ITIH5: variants seen among roughly 807,000 people sequenced by gnomAD.
ITIH5 encodes inter-alpha-trypsin inhibitor heavy chain 5.
In ITIH5, 65 loss-of-function variants were observed where a neutral mutation model predicts 77.5. The observed-to-expected ratio is 0.84, with a 90% CI of 0.69 to 1.03. The LOEUF is 1.03. ITIH5 is among the 50% of genes least tolerant of loss of function. ITIH5 has a pLI of 0.00. For missense variants in ITIH5, 1,208 were observed against 1,213.1 expected, an observed-to-expected ratio of 1.00 and a Z score of 0.06; for synonymous variants, 525 against 494.3, an observed-to-expected ratio of 1.06 and a Z score of -0.82.
chr10:7,643,384 C>A (rs1272139523), intron 2 of ITIH5, among the ~76,000 whole-genome samples: 1 of 152,210 alleles, frequency 6.6e-6, no homozygotes. Flanking sequence ...ATTCCCATTT[C>A]ATAGATGGAG....
rs760974155 is a variant in ITIH5 at position 7,615,951 on chromosome 10, A to AG, written c.939+30dup. The AG allele has an allele frequency of 3.1e-6, 4 of 1,300,546 alleles. No homozygotes were observed. In the South Asian group the frequency reaches 4.7e-5, roughly 15 times the overall value. 80.6% of individuals were successfully genotyped at this position (1,300,546 alleles called of 1,614,324 possible). ...TCATTGTCCCAGGCAAAAGCGAGAG[A>AG]GGAATAAATGGGCGGTTGGCACTCA... On this transcript the variant is annotated intron_variant, in intron 7 of 13. Transcript: ENST00000397146.
intron 7 of ITIH5, among the ~76,000 whole-genome samples, chr10:7,613,331 T>C (rs1484344080): frequency 6.6e-6 from 1 of 152,028 alleles, no homozygotes; most frequent in Non-Finnish European, 1.5e-5. Context: ...GGAAAGGCTA[T>C]GTGGCCTCTA....
chr10:7,622,025 T>C (rs1002551734), intron 5 of ITIH5: 2 of 152,254 alleles, frequency 1.3e-5, no homozygotes, highest in African/African-American at 2.4e-5. Flanking sequence ...GCTGCTCCGA[T>C]TTGAGGGAGG....
chr10:7,654,247 T>A (rs1057093879), intron 2 of ITIH5, among the ~76,000 whole-genome samples: 1 of 152,230 alleles, frequency 6.6e-6, no homozygotes, highest in African/African-American at 2.4e-5. Flanking sequence ...CGGGTTCCCC[T>A]GCTGCATTCT....
At chr10:7,653,831 A>C (rs1834138522) in intron 2 of ITIH5, among the ~76,000 whole-genome samples, 1 of 152,178 alleles carries the variant, frequency 6.6e-6, no homozygotes, top group African/African-American at 2.4e-5. Context: ...TTGTTTTCTC[A>C]TCTGTAAAAT....
chr10:7,566,206 C>T lies in ITIH5; in HGVS notation c.2351G>A (p.Trp784Ter), dbSNP rs201672990. The change falls in exon 13 of 14, where the codon TGG (tryptophan) becomes TAG (stop). Residue 784 changes from tryptophan (W) to a stop codon, truncating the protein, a stop_gained. Transcript: ENST00000397146. LOFTEE classifies it high-confidence loss of function. ...PCNQSVVVGS[W>*]GLEVSVSANA... Reference sequence around the variant, plus strand: ...GGCAGACACGGACACCTCCAGCCCCCAGCTCCCCACCACCACACTCTGGTT... The same window carrying T: ...GGCAGACACGGACACCTCCAGCCCCTAGCTCCCCACCACCACACTCTGGTT... 27 of 1,614,016 alleles carry T rather than the reference C, an allele frequency of 1.7e-5. No individual in the cohort carries two copies. The highest frequency in any genetic ancestry group is 7.7e-5 in the South Asian group (7 of 91,056).
chr10:7,618,869 A>G (rs1373017708), intron 5 of ITIH5: 2 of 152,248 alleles, frequency 1.3e-5, no homozygotes, highest in Non-Finnish European at 2.9e-5. Flanking sequence ...ATAGGCAATT[A>G]TTTTTCAGAG....
intron 1 of ITIH5, among the ~76,000 whole-genome samples, chr10:7,665,224 G>T (rs1229406124): frequency 6.6e-6 from 1 of 152,162 alleles, no homozygotes; most frequent in Non-Finnish European, 1.5e-5. Flanking sequence ...AAGCCTACTT[G>T]AACTTGGTAT....
At chr10:7,607,031 T>A (rs1340434798) in intron 7 of ITIH5, among the ~76,000 whole-genome samples, 4 of 152,244 alleles carry the variant, frequency 2.6e-5, no homozygotes, top group Admixed American at 1.3e-4. Flanking sequence ...TTCTGCTTCC[T>A]GCCTCAAGTC....
At position 7,664,417 on chromosome 10, in the gene ITIH5, T is replaced by G. The variant is rs375660145; in HGVS notation, c.90+2386A>C. 4.6e-5 allele frequency among the ~76,000 whole-genome samples: 6 copies of G among 129,504 alleles called. No individual in the cohort carries two copies. In the South Asian group the frequency reaches 1.5e-3, roughly 33 times the overall value. 85.0% of individuals were successfully genotyped at this position (129,504 alleles called of 152,430 possible). A position where few individuals can be genotyped will look rare whatever the true frequency, so the allele number is the denominator to read the frequency against. On this transcript the variant is annotated intron_variant, in intron 1 of 13. Coordinates refer to ENST00000397146, the MANE Select transcript of ITIH5 (RefSeq NM_030569.7). ...TCCGTCTCAAAAAAAAAAAAAAAAC[T>G]AAAATGTGTTCCATGGACCACCTGC...
chr10:7,630,978 T>G (rs569956015), intron 5 of ITIH5, among the ~76,000 whole-genome samples: 20 of 150,562 alleles, frequency 1.3e-4, no homozygotes, highest in Non-Finnish European at 2.8e-4. Flanking sequence ...TTGATAGAGA[T>G]GAGGAATTGA....
intron 2 of ITIH5, among the ~76,000 whole-genome samples, chr10:7,650,408 C>G (rs544918253): frequency 3.9e-5 from 6 of 152,290 alleles, no homozygotes; most frequent in Admixed American, 2.6e-4. Flanking sequence ...CGCACCAAAT[C>G]TCTACTAACC....
intron 11 of ITIH5, chr10:7,572,930 A>G: frequency 2.0e-6 from 1 of 492,564 alleles, no homozygotes. Context: ...GGCCCCTGCC[A>G]CCATGCCTGG....
At chr10:7,573,579 G>A (rs1366738010) in intron 10 of ITIH5, among the ~76,000 whole-genome samples, 1 of 151,582 alleles carries the variant, frequency 6.6e-6, no homozygotes, top group Non-Finnish European at 1.5e-5. Context: ...GGGAGGCTGA[G>A]GTGGGAGGAT....
At chr10:7,642,449 G>A (rs1195278493) in intron 2 of ITIH5, among the ~76,000 whole-genome samples, 2 of 152,200 alleles carry the variant, frequency 1.3e-5, no homozygotes, top group East Asian at 3.9e-4. Context: ...ATACTCTTCT[G>A]TTATCACTTT....
Position 7,566,289 on chromosome 10 carries a change from G to A in ITIH5, c.2268C>T (p.Leu756=), listed in dbSNP as rs765580530. The change falls in exon 13 of 14, where the codon CTC becomes CTT. Residue 756 remains leucine (L), a synonymous_variant. Transcript: ENST00000397146. ...ILINKPERSY[L]EITPSRVILD... The stretch of plus-strand genomic sequence containing the variant: ...AGATGACTCTGCTCGGTGTGATCTC[G>A]AGATAAGATCTCTCTGGCTTGTTGA... 1.7e-5 allele frequency: 28 copies of A among 1,613,522 alleles called. No homozygotes were observed. Among genetic ancestry groups the A allele is most frequent in the Admixed American group, 6.7e-5 (4 of 59,944 alleles).
intron 7 of ITIH5, among the ~76,000 whole-genome samples, chr10:7,597,821 C>T (rs1279287830): frequency 2.6e-5 from 4 of 152,240 alleles, no homozygotes; most frequent in East Asian, 1.9e-4. Flanking sequence ...GTAATATAAA[C>T]TTATGTTACA....
At position 7,640,424 on chromosome 10, in the gene ITIH5, C is replaced by G. The variant is rs1192108129; in HGVS notation, c.401+330G>C. On this transcript the variant is annotated intron_variant, in intron 4 of 13. Coordinates refer to ENST00000397146, the MANE Select transcript of ITIH5 (RefSeq NM_030569.7). ...CCCAGGAGGTTGAGGCTGCAGTGAG[C>G]TATGATTGCACCACTGCACTCCAGC... Among the ~76,000 whole-genome samples, 6 of 148,716 alleles carry G rather than the reference C, an allele frequency of 4.0e-5. No individual in the cohort carries two copies. In the East Asian group the frequency reaches 1.2e-3, roughly 30 times the overall value.
chr10:7,655,903 T>C (rs1834174488), intron 1 of ITIH5, among the ~76,000 whole-genome samples: 1 of 152,234 alleles, frequency 6.6e-6, no homozygotes, highest in Non-Finnish European at 1.5e-5. Flanking sequence ...TCTTAACCCA[T>C]AATGTCACAC....
Sources: allele counts gnomAD v4.1 joint callset (sites outside exome capture counted in the v4.1 genomes callset), GRCh38; gene constraint gnomAD v4.1.1; transcripts MANE v1.5; gene names NCBI Gene and HGNC (gene_info 2026-07-23, HGNC 2026-07-21).